Variants in RHPN2 observed in about 807,000 individuals in gnomAD.
RHPN2 encodes rhophilin Rho GTPase binding protein 2.
RHPN2 carries 40 observed loss-of-function variants against 79.0 expected under a neutral mutation model. The observed-to-expected ratio is 0.51, with a 90% CI of 0.39 to 0.66. The LOEUF is 0.66. RHPN2 is among the 30% of genes least tolerant of loss of function. The pLI is 0.00. For missense variants in RHPN2, 686 were observed against 883.5 expected (o/e 0.78, Z 2.83); for synonymous variants, 285 against 363.5 (o/e 0.78, Z 2.46).
intron 10 of RHPN2, among the ~76,000 whole-genome samples, chr19:32,998,489 T>A (rs1338734011): frequency 6.6e-6 from 1 of 151,740 alleles, no homozygotes; most frequent in Non-Finnish European, 1.5e-5. Flanking sequence ...CAAAAACCTT[T>A]TTACAATATT....
At chr19:33,024,253 G>A (rs1971948688) in intron 3 of RHPN2, among the ~76,000 whole-genome samples, 1 of 152,018 alleles carries the variant, frequency 6.6e-6, no homozygotes, top group Non-Finnish European at 1.5e-5. Context: ...CCAACATGGT[G>A]AAACCCCGTC....
In RHPN2 at chr19:33,012,676, C is replaced by T. The variant is rs1281706242; in HGVS notation, c.439G>A (p.Glu147Lys). 16 of 1,608,458 alleles carry T rather than the reference C, an allele frequency of 9.9e-6. No homozygotes were observed. Among genetic ancestry groups the T allele is most frequent in the Non-Finnish European group, 1.4e-5 (16 of 1,174,978 alleles). The part of the protein sequence containing the change: ...YSEDGYLYED[E>K]IADLMDLRQA... ...CTCAGATCCATAAGATCTGCAATTT[C>T]ATCTTCATATAAATAGCCATCTTCA... is the stretch of plus-strand genomic sequence containing the variant. Residue 147 changes from glutamate to lysine, a missense_variant, in exon 5 of 15, where the codon GAA (glutamate) becomes AAA (lysine). Transcript: ENST00000254260.
intron 3 of RHPN2, among the ~76,000 whole-genome samples, chr19:33,025,488 A>C (rs562671592): frequency 8.3e-4 from 126 of 152,218 alleles, no homozygotes; most frequent in African/African-American, 3.0e-3. Flanking sequence ...TGTCAAAAAA[A>C]AAAAAGGAAA....
At chr19:33,048,832 A>G (rs1415540836) in intron 1 of RHPN2, among the ~76,000 whole-genome samples, 2 of 152,054 alleles carry the variant, frequency 1.3e-5, no homozygotes, top group African/African-American at 4.8e-5. Flanking sequence ...AATGACGACG[A>G]TTCAGTTTGA....
intron 14 of RHPN2, among the ~76,000 whole-genome samples, chr19:32,984,138 G>C (rs1167378660): frequency 6.6e-6 from 1 of 152,122 alleles, no homozygotes; most frequent in Non-Finnish European, 1.5e-5. Flanking sequence ...CCTAATTCCA[G>C]AGCTTGATTC....
At chr19:33,010,583 C>G (rs1302370588) in intron 6 of RHPN2, among the ~76,000 whole-genome samples, 3 of 151,998 alleles carry the variant, frequency 2.0e-5, no homozygotes, top group African/African-American at 7.2e-5. Flanking sequence ...CAGGGTTTCA[C>G]CATATTGGAC....
chr19:33,036,893 C>A (rs1225594553), intron 2 of RHPN2, among the ~76,000 whole-genome samples: 1 of 144,488 alleles, frequency 6.9e-6, no homozygotes, highest in Non-Finnish European at 1.5e-5. Flanking sequence ...CCTCTGTGGG[C>A]TCCTGTGTAG....
chr19:33,031,256 C>CTAT (rs1489473211), intron 2 of RHPN2, among the ~76,000 whole-genome samples: 4 of 49,934 alleles, frequency 8.0e-5, no homozygotes, highest in Admixed American at 2.4e-4. Context: ...TTCTATTCTA[C>CTAT]TCTATTCTAT....
intron 2 of RHPN2, among the ~76,000 whole-genome samples, chr19:33,041,237 G>T (rs1244329066): frequency 6.6e-6 from 1 of 152,100 alleles, no homozygotes; most frequent in Admixed American, 6.6e-5. Flanking sequence ...TTTGGGGGCT[G>T]CGGTAGGAAA....
In RHPN2 at chr19:33,040,195, T is replaced by A. The variant is rs1008548056; in HGVS notation, c.185+4054A>T. ...GCTCTTGTTCAAAGAATCAAAGAACTAGTTAGCTAAAACTAGTTAAAACTA... is the reference window on the plus strand; with the variant it reads ...GCTCTTGTTCAAAGAATCAAAGAACAAGTTAGCTAAAACTAGTTAAAACTA... On this transcript the variant is annotated intron_variant, in intron 2 of 14. Transcript: ENST00000254260. Among the ~76,000 whole-genome samples the A allele has an allele frequency of 7.3e-5, 11 of 151,082 alleles. No homozygotes were observed. In the East Asian group the frequency reaches 2.0e-3, roughly 27 times the overall value.
intron 12 of RHPN2, among the ~76,000 whole-genome samples, chr19:32,992,487 G>A (rs1464141017): frequency 7.9e-5 from 12 of 151,888 alleles, no homozygotes; most frequent in Non-Finnish European, 1.6e-4. Flanking sequence ...CACCGCACCC[G>A]GCCAAAATTA....
intron 4 of RHPN2, among the ~76,000 whole-genome samples, chr19:33,014,313 CTTTTTT>C (rs1290841019): frequency 6.6e-6 from 1 of 151,818 alleles, no homozygotes; most frequent in Non-Finnish European, 1.5e-5. Context: ...CCTTCTTTTT[CTTTTTT>C]TAAGAGATGA....
intron 1 of RHPN2, among the ~76,000 whole-genome samples, chr19:33,055,314 G>A (rs962787677): frequency 1.3e-5 from 2 of 151,822 alleles, no homozygotes; most frequent in Non-Finnish European, 2.9e-5. Context: ...GAGCTACAAC[G>A]GTGCCACTGC....
At chr19:33,057,145 G>A (rs1972240326) in intron 1 of RHPN2, among the ~76,000 whole-genome samples, 1 of 134,120 alleles carries the variant, frequency 7.5e-6, no homozygotes, top group Non-Finnish European at 1.5e-5. Flanking sequence ...AAGAGTTCGA[G>A]GCCAGCCCAG....
At chr19:32,981,426 G>GGT (rs1812779800) in intron 14 of RHPN2, among the ~76,000 whole-genome samples, 3 of 112,476 alleles carry the variant, frequency 2.7e-5, no homozygotes, top group African/African-American at 1.0e-4. Context: ...AAGGGGGGGG[G>GGT]CGGGGGGAAG....
chr19:33,036,564 G>A (rs1039224464), intron 2 of RHPN2, among the ~76,000 whole-genome samples: 9 of 152,294 alleles, frequency 5.9e-5, no homozygotes, highest in East Asian at 3.9e-4. Context: ...TCAGCCCGCC[G>A]CTGCACTGTG....
At chr19:33,009,236 C>T (rs1395428033) in intron 6 of RHPN2, among the ~76,000 whole-genome samples, 3 of 151,918 alleles carry the variant, frequency 2.0e-5, no homozygotes, top group Admixed American at 6.6e-5. Context: ...AAGAATGAAC[C>T]CTAATGGAAA....
At chr19:33,039,022 T>G (rs1025285057) in intron 2 of RHPN2, among the ~76,000 whole-genome samples, 10 of 152,086 alleles carry the variant, frequency 6.6e-5, no homozygotes, top group Admixed American at 5.9e-4. Context: ...TGTTTTAGTG[T>G]AATTATTTTT....
At chr19:33,061,053 C>T (rs1440938987) in intron 1 of RHPN2, among the ~76,000 whole-genome samples, 3 of 152,022 alleles carry the variant, frequency 2.0e-5, no homozygotes, top group Non-Finnish European at 4.4e-5. Context: ...TTGATGGATT[C>T]CACAGTTCCC....
Sources: allele counts gnomAD v4.1 joint callset (sites outside exome capture counted in the v4.1 genomes callset), GRCh38; gene constraint gnomAD v4.1.1; transcripts MANE v1.5; gene names NCBI Gene and HGNC (gene_info 2026-07-23, HGNC 2026-07-21).